Variants in TNRC6B observed in about 807,000 individuals in gnomAD.
TNRC6B encodes the protein trinucleotide repeat containing adaptor 6B.
Under a neutral mutation model 203.6 loss-of-function variants are expected in TNRC6B, and 52 were observed. That is an observed-to-expected ratio of 0.26 (90% CI 0.20 to 0.32). The LOEUF is 0.32. TNRC6B is among the 10% of genes least tolerant of loss of function. The pLI, the probability that TNRC6B is intolerant of heterozygous loss-of-function variation, is 1.00. For synonymous variants in TNRC6B, 838 were observed against 845.7 expected, an observed-to-expected ratio of 0.99 and a Z score of 0.16; for missense variants, 1,923 against 2,286.2, an observed-to-expected ratio of 0.84 and a Z score of 3.24.
chr22:40,238,467 C>G (rs997745003), intron 1 of TNRC6B, among the ~76,000 whole-genome samples: 1 of 152,060 alleles, frequency 6.6e-6, no homozygotes, highest in Admixed American at 6.5e-5. Context: ...AAGGAGATCC[C>G]CCCGCCCCCA....
intron 9 of TNRC6B, among the ~76,000 whole-genome samples, chr22:40,278,418 C>T (rs2070680396): frequency 6.6e-6 from 1 of 152,012 alleles, no homozygotes; most frequent in Non-Finnish European, 1.5e-5. Flanking sequence ...ATTAGCTGGG[C>T]ATGGTGTGGC....
chr22:40,077,681 A>T (rs2068029236), intron 1 of TNRC6B, among the ~76,000 whole-genome samples: 1 of 152,184 alleles, frequency 6.6e-6, no homozygotes, highest in Admixed American at 6.5e-5. Flanking sequence ...TATTGTAGAC[A>T]AATTCAGAAC....
intron 1 of TNRC6B, among the ~76,000 whole-genome samples, chr22:40,081,136 C>T (rs2068060655): frequency 6.6e-6 from 1 of 152,184 alleles, no homozygotes; most frequent in Admixed American, 6.5e-5. Flanking sequence ...GCTGGGATTA[C>T]AGGCGTGAGC....
At chr22:40,317,508 G>A (rs1035663195) in intron 21 of TNRC6B, among the ~76,000 whole-genome samples, 1 of 152,190 alleles carries the variant, frequency 6.6e-6, no homozygotes, top group African/African-American at 2.4e-5. Context: ...AACCTAGGAG[G>A]CAGAGGTTGC....
In TNRC6B at chr22:40,154,884, T is replaced by C. The variant is rs1466622282; in HGVS notation, c.46-1231T>C. 2.7e-3 allele frequency among the ~76,000 whole-genome samples: 140 copies of C among 52,782 alleles called. 3 individuals are homozygous for C. Among genetic ancestry groups the C allele is most frequent in the Non-Finnish European group, 3.9e-3 (118 of 30,008 alleles). The allele number at this position is 52,782 out of a possible 152,430, so 34.6% of individuals were successfully genotyped here. A position where few individuals can be genotyped will look rare whatever the true frequency, so the allele number is the denominator to read the frequency against. On this transcript the variant is annotated intron_variant, in intron 3 of 23. Transcript: ENST00000301923. The stretch of plus-strand genomic sequence containing the variant: ...AAATATATATATATATATATATATA[T>C]ATATATATATACATATATATATATA...
chr22:40,216,518 G>C (rs1377290382), intron 1 of TNRC6B, among the ~76,000 whole-genome samples: 3 of 152,068 alleles, frequency 2.0e-5, no homozygotes, highest in African/African-American at 7.2e-5. Context: ...TTTACCATAA[G>C]CGTGAATCCC....
chr22:40,159,785 T>C (rs1418115938), intron 4 of TNRC6B, among the ~76,000 whole-genome samples: 1 of 152,158 alleles, frequency 6.6e-6, no homozygotes, highest in East Asian at 1.9e-4. Context: ...GACTTAACTT[T>C]TGTAATTTGA....
chr22:40,145,087 AT>A lies in TNRC6B; in HGVS notation c.46-11021del, dbSNP rs1160221317. On this transcript the variant is annotated intron_variant, in intron 3 of 23. Transcript: ENST00000301923. ...CTCCACAAAAAAAAAAAAAAAAAAA[AT>A]TTTTTTAATTAGCTGGGTGTGCTGG... is the stretch of plus-strand genomic sequence containing the variant. Among the ~76,000 whole-genome samples, 481 of 138,258 alleles carry A rather than the reference AT, an allele frequency of 3.5e-3. 10 individuals carry two copies. The highest frequency in any genetic ancestry group is 7.5e-3 in the South Asian group (32 of 4,246). 90.7% of individuals were successfully genotyped at this position (138,258 alleles called of 152,430 possible).
intron 3 of TNRC6B, among the ~76,000 whole-genome samples, chr22:40,140,247 G>C (rs775101108): frequency 3.3e-5 from 5 of 152,106 alleles, no homozygotes; most frequent in Non-Finnish European, 7.4e-5. Context: ...ACCACTTCTT[G>C]CTTAGCTATA....
intron 1 of TNRC6B, among the ~76,000 whole-genome samples, chr22:40,209,326 T>G (rs575049648): frequency 1.3e-5 from 2 of 152,246 alleles, no homozygotes; most frequent in East Asian, 3.9e-4. Context: ...AAAACCAGCT[T>G]TTATTTCTTC....
chr22:40,302,632 CAAAAAAAAAAA>C (rs200078286), intron 15 of TNRC6B, among the ~76,000 whole-genome samples: 39 of 70,476 alleles, frequency 5.5e-4, no homozygotes, highest in African/African-American at 2.5e-3. Context: ...GACCCCATCT[CAAAAAAAAAAA>C]AAAAAAAAGA....
intron 1 of TNRC6B, among the ~76,000 whole-genome samples, chr22:40,179,020 T>A (rs2069100605): frequency 6.6e-6 from 1 of 152,260 alleles, no homozygotes; most frequent in African/African-American, 2.4e-5. Flanking sequence ...AACTGAGTTT[T>A]TCAGCATAAA....
At chr22:40,197,698 G>T (rs191233074) in intron 1 of TNRC6B, among the ~76,000 whole-genome samples, 1 of 151,348 alleles carries the variant, frequency 6.6e-6, no homozygotes, top group East Asian at 1.9e-4. Context: ...CGACCTTCTG[G>T]GCTCAAGCTG....
At chr22:40,051,074 C>T (rs191948591) in intron 1 of TNRC6B, among the ~76,000 whole-genome samples, 2 of 152,162 alleles carry the variant, frequency 1.3e-5, no homozygotes, top group Non-Finnish European at 2.9e-5. Flanking sequence ...CCACCTGCCT[C>T]AGCCTCCCAA....
At chr22:40,293,190 C>CTTTT (rs748230080) in intron 12 of TNRC6B, among the ~76,000 whole-genome samples, 1,587 of 79,416 alleles carry the variant, frequency 0.02, 133 homozygotes, top group Admixed American at 0.047. Context: ...ATATCCTTTT[C>CTTTT]TTTTTTTTTT....
intron 1 of TNRC6B, among the ~76,000 whole-genome samples, chr22:40,216,194 C>G (rs1195129493): frequency 6.6e-6 from 1 of 152,192 alleles, no homozygotes; most frequent in Admixed American, 6.5e-5. Context: ...TCAGCTTTTT[C>G]TTTCTTGGGC....
chr22:40,293,190 CTTTT>C (rs748230080), intron 12 of TNRC6B, among the ~76,000 whole-genome samples: 6 of 79,454 alleles, frequency 7.6e-5, no homozygotes, highest in African/African-American at 2.4e-4. Flanking sequence ...ATATCCTTTT[CTTTT>C]TTTTTTTTTT....
intron 1 of TNRC6B, among the ~76,000 whole-genome samples, chr22:40,231,782 C>T (rs2069874168): frequency 6.6e-6 from 1 of 152,176 alleles, no homozygotes; most frequent in Non-Finnish European, 1.5e-5. Flanking sequence ...GTGCATATTC[C>T]TAGAGGAGCA....
At chr22:40,291,242 C>T (rs1304651994) in intron 12 of TNRC6B, among the ~76,000 whole-genome samples, 2 of 151,954 alleles carry the variant, frequency 1.3e-5, no homozygotes, top group South Asian at 2.1e-4. Flanking sequence ...AAAAATTAGC[C>T]GGGCATGGTG....
Sources: gnomAD v4.1 joint callset for allele counts (sites outside exome capture counted in the v4.1 genomes callset) on GRCh38, gnomAD v4.1.1 for gene constraint, MANE v1.5 for transcripts, NCBI Gene and HGNC (gene_info 2026-07-23, HGNC 2026-07-21) for gene names.